TRPM8: variants seen among roughly 807,000 people sequenced by gnomAD.
TRPM8 encodes transient receptor potential cation channel subfamily M member 8, also known as TRPM8 cationic channel.
Under a neutral mutation model 133.7 loss-of-function variants are expected in TRPM8, and 110 were observed. The observed-to-expected ratio is 0.82, with a 90% CI of 0.70 to 0.96. The LOEUF (loss-of-function observed/expected upper bound fraction) is 0.96. Among genes scored for constraint, TRPM8 ranks in the 40% least tolerant of loss-of-function variants. The pLI, the probability that TRPM8 is intolerant of heterozygous loss-of-function variation, is 0.00. For synonymous variants in TRPM8, 535 were observed against 532.3 expected, an observed-to-expected ratio of 1.01 and a Z score of -0.07; for missense variants, 1,291 against 1,379.5, an observed-to-expected ratio of 0.94 and a Z score of 1.02.
rs1691595860 is a variant in TRPM8 at position 233,927,934 on chromosome 2, C to CTCTT, written c.117+1283_117+1284insTTCT. ...TCTCTCTCTCTCTCTTTCTCTCTCT[C>CTCTT]TCTCTCTCTCTCTCTCTCTCTCTCT... On this transcript the variant is annotated intron_variant, in intron 2 of 25. Transcript: ENST00000324695. Among the ~76,000 whole-genome samples, 5 of 55,404 alleles carry CTCTT rather than the reference C, an allele frequency of 9.0e-5. No homozygotes were observed. In the African/African-American group the frequency reaches 9.5e-4, roughly 10 times the overall value. 36.3% of individuals were successfully genotyped at this position (55,404 alleles called of 152,430 possible). A position where few individuals can be genotyped will look rare whatever the true frequency, so the allele number is the denominator to read the frequency against.
At chr2:233,926,964 G>A (rs1425910053) in intron 2 of TRPM8, among the ~76,000 whole-genome samples, 3 of 152,116 alleles carry the variant, frequency 2.0e-5, no homozygotes, top group Non-Finnish European at 2.9e-5. Flanking sequence ...GGACACAGAC[G>A]TGCCCAATCA....
At chr2:233,945,406 G>C (rs1291052821) in intron 6 of TRPM8, among the ~76,000 whole-genome samples, 3 of 152,114 alleles carry the variant, frequency 2.0e-5, no homozygotes, top group African/African-American at 7.2e-5. Context: ...TCCTGGCATG[G>C]GTCACGGCAT....
At chr2:233,997,228 C>G (rs1481479450) in intron 22 of TRPM8, among the ~76,000 whole-genome samples, 1 of 151,234 alleles carries the variant, frequency 6.6e-6, no homozygotes, top group African/African-American at 2.4e-5. Context: ...GAGCCGAGAT[C>G]TCACCACTGC....
rs567655927 is a variant in TRPM8, at chr2:233,936,412, T to C, written c.192-941T>C. ...CTCTGTGTCACCTAATGGATGAATTTAGTTCCATTGCATTTTTAACGAGAA... is the reference window on the plus strand; with the variant it reads ...CTCTGTGTCACCTAATGGATGAATTCAGTTCCATTGCATTTTTAACGAGAA... On this transcript the variant is annotated intron_variant, in intron 3 of 25. Transcript: ENST00000324695. Among the ~76,000 whole-genome samples the C allele has an allele frequency of 2.0e-5, 3 of 152,382 alleles. No homozygotes were observed. In the South Asian group the frequency reaches 6.2e-4, roughly 32 times the overall value.
rs1691593859 is a variant in TRPM8 at position 233,927,924 on chromosome 2, T to TCTTTCTC, written c.117+1270_117+1271insCTTTCTC. 7.1e-5 allele frequency among the ~76,000 whole-genome samples: 2 copies of TCTTTCTC among 28,054 alleles called. 1 individual carries two copies. Among genetic ancestry groups the TCTTTCTC allele is most frequent in the Non-Finnish European group, 1.1e-4 (2 of 18,354 alleles). The allele number at this position is 28,054 out of a possible 152,430, so 18.4% of individuals were successfully genotyped here. On this transcript the variant is annotated intron_variant, in intron 2 of 25. Transcript: ENST00000324695. ...TTTCTTTCTTTCTCTCTCTCTCTCT[T>TCTTTCTC]TCTCTCTCTCTCTCTCTCTCTCTCT...
At chr2:233,942,436 T>A (rs1690932518) in intron 5 of TRPM8, 140 bp from the exon 6 acceptor site, 3 of 802,542 alleles carry the variant, frequency 3.7e-6, no homozygotes, top group South Asian at 3.2e-5. Flanking sequence ...TCCCCTCTCC[T>A]TCCTTGCCAT....
At chr2:233,927,774 CTT>C (rs1470723086) in intron 2 of TRPM8, among the ~76,000 whole-genome samples, 2 of 56,616 alleles carry the variant, frequency 3.5e-5, no homozygotes, top group Non-Finnish European at 5.5e-5. Flanking sequence ...TTCTTTCTTT[CTT>C]TCTTTCTTTC....
intron 20 of TRPM8, among the ~76,000 whole-genome samples, chr2:233,983,871 G>A (rs111713418): frequency 1.2e-4 from 19 of 152,264 alleles, no homozygotes; most frequent in African/African-American, 4.3e-4. Context: ...GCTCCTCCTG[G>A]TCACAGTTCT....
intron 21 of TRPM8, among the ~76,000 whole-genome samples, chr2:233,992,813 A>T (rs1256493194): frequency 6.6e-6 from 1 of 152,200 alleles, no homozygotes; most frequent in East Asian, 1.9e-4. Flanking sequence ...GGCATGAGAG[A>T]TGGTCTCTAA....
chr2:234,003,097 A>G (rs568729309), intron 22 of TRPM8, among the ~76,000 whole-genome samples: 24 of 152,320 alleles, frequency 1.6e-4, no homozygotes, highest in African/African-American at 5.8e-4. Flanking sequence ...TGAACTACTT[A>G]GAAAAGGAGA....
chr2:233,995,561 G>T (rs1692381644), intron 21 of TRPM8, among the ~76,000 whole-genome samples: 1 of 152,142 alleles, frequency 6.6e-6, no homozygotes, highest in Non-Finnish European at 1.5e-5. Context: ...AAACCGTATT[G>T]TAAGTACAAG....
intron 7 of TRPM8, chr2:233,946,371 C>A: frequency 5.1e-6 from 1 of 194,980 alleles, no homozygotes; most frequent in Non-Finnish European, 1.1e-5. Context: ...TATGAAACAA[C>A]GCAATTAGCT....
intron 8 of TRPM8, chr2:233,947,530 C>A: frequency 7.7e-7 from 1 of 1,298,956 alleles, no homozygotes; most frequent in South Asian, 1.2e-5. Flanking sequence ...TGCCCCCAAA[C>A]CAGATGTTTC....
At chr2:233,960,733 T>A in intron 11 of TRPM8, 43 bp from the exon 12 acceptor site, 1 of 1,545,576 alleles carries the variant, frequency 6.5e-7, no homozygotes, top group Non-Finnish European at 8.9e-7. Flanking sequence ...CCTTACCATA[T>A]TTTTATAGTA....
intron 20 of TRPM8, 98 bp downstream of exon 20, chr2:233,983,322 C>A: frequency 7.2e-7 from 1 of 1,393,714 alleles, no homozygotes; most frequent in Non-Finnish European, 1.0e-6. Flanking sequence ...TTCAGAAGCA[C>A]GCGCGTGAAA....
intron 3 of TRPM8, among the ~76,000 whole-genome samples, chr2:233,932,694 C>T (rs141248829): frequency 1.6e-4 from 24 of 151,956 alleles, no homozygotes; most frequent in Admixed American, 3.3e-4. Context: ...GCAACACAAG[C>T]GGAGCACAGG....
At chr2:234,002,235 G>A (rs1008623705) in intron 22 of TRPM8, among the ~76,000 whole-genome samples, 19 of 151,988 alleles carry the variant, frequency 1.3e-4, no homozygotes, top group Non-Finnish European at 2.8e-4. Flanking sequence ...GGCAGAGGGA[G>A]GAGGGAGTTA....
rs2125206245 is a variant in TRPM8, at chr2:233,966,634, G to C, written c.1904G>C (p.Ser635Thr). The part of the protein sequence containing the change: ...AVELFTECYS[S>T]DEDLAEQLLV... ...GAGCTGTTCACTGAGTGTTACAGCAGCGATGAAGACTTGGCAGAACAGCTG... is the reference window on the plus strand; with the variant it reads ...GAGCTGTTCACTGAGTGTTACAGCACCGATGAAGACTTGGCAGAACAGCTG... The change falls in exon 15 of 26, where the codon AGC (serine) becomes ACC (threonine). Residue 635 changes from serine (S) to threonine (T), a missense_variant. By Grantham distance (58) the Ser-to-Thr change is moderately conservative (BLOSUM62 1). Around this residue, in one of 2 missense-constraint regions of TRPM8, gnomAD observed 963 missense variants for 968.9 expected, o/e 0.99. Coordinates refer to ENST00000324695, the MANE Select transcript of TRPM8 (RefSeq NM_024080.5). 6.2e-7 allele frequency: 1 copy of C among 1,614,136 alleles called. No individual in the cohort carries two copies. The highest frequency in any genetic ancestry group is 1.3e-5 in the African/African-American group (1 of 75,042).
chr2:234,002,460 C>T (rs1692593554), intron 22 of TRPM8, among the ~76,000 whole-genome samples: 1 of 152,138 alleles, frequency 6.6e-6, no homozygotes, highest in South Asian at 2.1e-4. Flanking sequence ...AACCATGAAA[C>T]ATACATCATG....
Sources: allele counts gnomAD v4.1 joint callset (sites outside exome capture counted in the v4.1 genomes callset), GRCh38; gene constraint gnomAD v4.1.1; regional missense constraint gnomAD v4.1.1; transcripts MANE v1.5; gene names NCBI Gene and HGNC (gene_info 2026-07-23, HGNC 2026-07-21).